The following THSD7A variants were observed in gnomAD, a reference collection of about 807,000 sequenced individuals.
The protein encoded by THSD7A is thrombospondin type-1 domain-containing protein 7A.
In THSD7A, 96 loss-of-function variants were observed where a neutral mutation model predicts 231.3. That is an observed-to-expected ratio of 0.41 (90% CI 0.35 to 0.49). The LOEUF (loss-of-function observed/expected upper bound fraction) is 0.49. THSD7A is among the 20% of genes least tolerant of loss of function. THSD7A has a pLI of 0.05. For synonymous variants in THSD7A, 940 were observed against 743.3 expected (o/e 1.26, Z -4.30); for missense variants, 2,290 against 2,070.2 (o/e 1.11, Z -2.06).
At chr7:11,646,841 A>C (rs1782302293) in intron 1 of THSD7A, among the ~76,000 whole-genome samples, 1 of 152,180 alleles carries the variant, frequency 6.6e-6, no homozygotes, top group South Asian at 2.1e-4. Flanking sequence ...AAAGGTTTAT[A>C]TGCAATAGTT....
chr7:11,760,123 G>T (rs1782807491), intron 1 of THSD7A, among the ~76,000 whole-genome samples: 1 of 152,118 alleles, frequency 6.6e-6, no homozygotes, highest in Admixed American at 6.6e-5. Flanking sequence ...CTTAGGATTT[G>T]TTCTGATAAA....
intron 6 of THSD7A, among the ~76,000 whole-genome samples, chr7:11,487,709 T>C (rs1786716977): frequency 6.6e-6 from 1 of 152,008 alleles, no homozygotes; most frequent in South Asian, 2.1e-4. Flanking sequence ...AGAGAGCTTG[T>C]GCAGGGGAAC....
intron 4 of THSD7A, among the ~76,000 whole-genome samples, chr7:11,587,292 A>G (rs952181935): frequency 1.3e-5 from 2 of 152,198 alleles, no homozygotes; most frequent in African/African-American, 2.4e-5. Context: ...CATTCTTCAC[A>G]TATCAGCTGG....
At chr7:11,811,272 T>A (rs1784522093) in intron 1 of THSD7A, among the ~76,000 whole-genome samples, 1 of 152,182 alleles carries the variant, frequency 6.6e-6, no homozygotes, top group Non-Finnish European at 1.5e-5. Context: ...ACACAAGTTA[T>A]GTAAAGACCT....
chr7:11,657,284 T>C (rs1266121211), intron 1 of THSD7A, among the ~76,000 whole-genome samples: 1 of 151,642 alleles, frequency 6.6e-6, no homozygotes, highest in African/African-American at 2.4e-5. Context: ...GTTGGATAGG[T>C]AGGAATGCAA....
chr7:11,818,093 C>T (rs111654859), intron 1 of THSD7A, among the ~76,000 whole-genome samples: 3 of 152,200 alleles, frequency 2.0e-5, no homozygotes, highest in African/African-American at 7.2e-5. Context: ...CAAATAGTCA[C>T]CATTTGTGTT....
intron 4 of THSD7A, among the ~76,000 whole-genome samples, chr7:11,566,540 T>C (rs554215683): frequency 7.2e-5 from 11 of 152,326 alleles, no homozygotes; most frequent in Middle Eastern, 3.4e-3. Flanking sequence ...AGTACCATGG[T>C]ACTACATGCA....
At chr7:11,543,977 T>C (rs1309850217) in intron 4 of THSD7A, among the ~76,000 whole-genome samples, 1 of 152,140 alleles carries the variant, frequency 6.6e-6, no homozygotes, top group South Asian at 2.1e-4. Flanking sequence ...AGCTGTATAA[T>C]ATCTGTCTAT....
intron 23 of THSD7A, 57 bp downstream of exon 23, chr7:11,401,738 T>C: frequency 6.8e-7 from 1 of 1,474,698 alleles, no homozygotes; most frequent in Non-Finnish European, 9.0e-7. Context: ...AACAGACTAT[T>C]TTTTTTTTAA....
chr7:11,806,810 T>G (rs773884332), intron 1 of THSD7A, among the ~76,000 whole-genome samples: 2 of 152,132 alleles, frequency 1.3e-5, no homozygotes, highest in Non-Finnish European at 2.9e-5. Context: ...AAGCAAGTGC[T>G]AGCCCCAAGC....
chr7:11,436,679 G>GTT (rs55972329), intron 13 of THSD7A, among the ~76,000 whole-genome samples: 22 of 145,496 alleles, frequency 1.5e-4, no homozygotes, highest in Admixed American at 1.2e-3. Context: ...TTTAAAGTAG[G>GTT]TTTTTTTTTT....
At chr7:11,671,601 G>GTTGTTT (rs1181856427) in intron 1 of THSD7A, among the ~76,000 whole-genome samples, 2 of 152,006 alleles carry the variant, frequency 1.3e-5, no homozygotes, top group Non-Finnish European at 2.9e-5. Flanking sequence ...AATCTTTGTT[G>GTTGTTT]TTGTTTTTGT....
intron 2 of THSD7A, among the ~76,000 whole-genome samples, chr7:11,635,126 C>T (rs1781787771): frequency 6.6e-6 from 1 of 152,166 alleles, no homozygotes; most frequent in Non-Finnish European, 1.5e-5. Context: ...ACCAGAAGCG[C>T]AGAGGTCGAA....
chr7:11,683,466 C>A (rs536387122), intron 1 of THSD7A, among the ~76,000 whole-genome samples: 1 of 151,390 alleles, frequency 6.6e-6, no homozygotes, highest in African/African-American at 2.4e-5. Flanking sequence ...TAAACAAGAT[C>A]GATAGAATGT....
intron 2 of THSD7A, among the ~76,000 whole-genome samples, chr7:11,619,262 A>C (rs754670965): frequency 6.6e-6 from 1 of 152,092 alleles, no homozygotes; most frequent in Admixed American, 6.6e-5. Context: ...CCCAGATGTG[A>C]TTTAACTATG....
In THSD7A at chr7:11,392,704, T is replaced by G. The variant is rs569791357; in HGVS notation, c.4411+9091A>C. ...CTCTCAAGCTTGGTGGGAGGAGGGG[T>G]GTATACCATTATTGAGACTGGAGTA... On this transcript the variant is annotated intron_variant, in intron 23 of 27. Transcript: ENST00000423059. Among the ~76,000 whole-genome samples the G allele has an allele frequency of 3.5e-4, 53 of 150,906 alleles. 1 individual carries two copies. The Middle Eastern group carries it at 0.01, about 30-fold the overall frequency.
intron 1 of THSD7A, among the ~76,000 whole-genome samples, chr7:11,804,545 G>T (rs2128182448): frequency 6.6e-6 from 1 of 152,220 alleles, no homozygotes; most frequent in South Asian, 2.1e-4. Context: ...TTGGAGATTT[G>T]TTAAAAGTGA....
chr7:11,719,987 G>A (rs1310643947), intron 1 of THSD7A, among the ~76,000 whole-genome samples: 2 of 151,676 alleles, frequency 1.3e-5, no homozygotes, highest in African/African-American at 2.4e-5. Context: ...GATAAGTATT[G>A]GTTTATCTCA....
At chr7:11,503,543 A>G (rs1486234083) in intron 6 of THSD7A, among the ~76,000 whole-genome samples, 1 of 149,762 alleles carries the variant, frequency 6.7e-6, no homozygotes, top group Non-Finnish European at 1.5e-5. Context: ...AGGAGAAAGT[A>G]TTTGCAAACT....
Sources: allele counts gnomAD v4.1 joint callset (sites outside exome capture counted in the v4.1 genomes callset), GRCh38; gene constraint gnomAD v4.1.1; transcripts MANE v1.5; gene names NCBI Gene and HGNC (gene_info 2026-07-23, HGNC 2026-07-21).